Variants in NMT2 observed in about 807,000 individuals in gnomAD.
NMT2 encodes the protein glycylpeptide N-tetradecanoyltransferase 2.
A neutral mutation model predicts 65.4 loss-of-function variants in NMT2; 35 were observed. The ratio of observed to expected loss-of-function variants is 0.54; its 90% confidence interval spans 0.41 to 0.71. The LOEUF is 0.71. Ranked by LOEUF, NMT2 falls within the 30% of genes least tolerant of loss-of-function variation. NMT2 has a pLI of 0.00. For missense variants in NMT2, 489 were observed against 611.3 expected (o/e 0.80, Z 2.11); for synonymous variants, 226 against 231.8 (o/e 0.98, Z 0.23).
chr10:15,112,698 A>C, intron 10 of NMT2, 98 bp downstream of exon 10: 1 of 1,166,044 alleles, frequency 8.6e-7, no homozygotes, highest in South Asian at 2.1e-5. Context: ...TCTCGCATAA[A>C]TTCCACCTGT....
rs369628041 is a variant in NMT2, at chr10:15,132,800, C to T, written c.719+17G>A. ...AATAAACATATAAAAACCGCATGGA[C>T]GAGCTTAAACATGTACCTGTCATAA... On this transcript the variant is annotated intron_variant, in intron 6 of 11. Transcript: ENST00000378165. 2.6e-5 allele frequency: 39 copies of T among 1,526,142 alleles called. No individual in the cohort carries two copies. Among genetic ancestry groups the T allele is most frequent in the East Asian group, 4.5e-5 (2 of 44,368 alleles). 94.5% of individuals were successfully genotyped at this position (1,526,142 alleles called of 1,614,324 possible).
intron 1 of NMT2, among the ~76,000 whole-genome samples, chr10:15,158,424 A>G (rs1323664183): frequency 1.3e-5 from 2 of 152,228 alleles, no homozygotes; most frequent in Admixed American, 6.5e-5. Flanking sequence ...AAAACTCTAC[A>G]GCCAAAGTCC....
chr10:15,167,431 C>T (rs6602818), intron 1 of NMT2, among the ~76,000 whole-genome samples: 68,841 of 152,030 alleles, frequency 0.45, 17,779 homozygotes, highest in African/African-American at 0.71. Context: ...AATCTCTCTA[C>T]GAACTGAGTA....
chr10:15,164,584 A>T (rs1253132049), intron 1 of NMT2, among the ~76,000 whole-genome samples: 1 of 152,254 alleles, frequency 6.6e-6, no homozygotes, highest in Non-Finnish European at 1.5e-5. Context: ...GCGAGAAGAC[A>T]GTGGGTTCTA....
At chr10:15,127,556 A>ATAAAT (rs1269940213) in intron 8 of NMT2, among the ~76,000 whole-genome samples, 3 of 78,724 alleles carry the variant, frequency 3.8e-5, no homozygotes, top group South Asian at 5.6e-4. Flanking sequence ...CAAAAAAAAA[A>ATAAAT]AAAAAAAAAA....
intron 2 of NMT2, among the ~76,000 whole-genome samples, chr10:15,139,983 AGAGAG>A (rs1195277282): frequency 6.7e-6 from 1 of 150,132 alleles, no homozygotes; most frequent in Non-Finnish European, 1.5e-5. Flanking sequence ...ACTGCGAGTT[AGAGAG>A]AAGAGAAGGA....
intron 1 of NMT2, among the ~76,000 whole-genome samples, chr10:15,144,076 A>T: frequency 6.6e-6 from 1 of 152,200 alleles, no homozygotes; most frequent in East Asian, 1.9e-4. Context: ...GATGCTACAC[A>T]TCAAAACTTT....
chr10:15,114,352 T>G (rs527248576), intron 9 of NMT2, among the ~76,000 whole-genome samples: 39 of 152,274 alleles, frequency 2.6e-4, no homozygotes, highest in Admixed American at 7.2e-4. Context: ...TCTCTTGCTG[T>G]TAAAATGACC....
intron 9 of NMT2, among the ~76,000 whole-genome samples, chr10:15,116,546 C>T (rs530160326): frequency 6.6e-6 from 1 of 152,196 alleles, no homozygotes; most frequent in South Asian, 2.1e-4. Flanking sequence ...CCAAAGCAAG[C>T]AGACAGAAGG....
chr10:15,127,203 C>G (rs574409978), intron 8 of NMT2, among the ~76,000 whole-genome samples: 6 of 151,080 alleles, frequency 4.0e-5, no homozygotes, highest in African/African-American at 1.5e-4. Context: ...CCACTGCACT[C>G]CAGCCTGGGT....
rs1846537014 is a variant in NMT2 at position 15,137,032 on chromosome 10, GC to G, written c.247-1615del. ...CAGAAAGTGGTTAGAAGTTTCAAGA[GC>G]CCTTCGGTTTTGCTGTATGTCAACA... On this transcript the variant is annotated intron_variant, in intron 2 of 11. Transcript: ENST00000378165. Among the ~76,000 whole-genome samples, 3 of 152,256 alleles carry G rather than the reference GC, an allele frequency of 2.0e-5. No individual in the cohort carries two copies. The South Asian group carries it at 6.2e-4, about 32-fold the overall frequency.
intron 8 of NMT2, among the ~76,000 whole-genome samples, chr10:15,127,055 A>C (rs771106962): frequency 6.6e-6 from 1 of 150,762 alleles, no homozygotes; most frequent in Non-Finnish European, 1.5e-5. Context: ...ACATGGTGAA[A>C]CCCCCGCCAT....
intron 1 of NMT2, among the ~76,000 whole-genome samples, chr10:15,157,123 G>A (rs775844009): frequency 7.2e-5 from 11 of 152,160 alleles, no homozygotes; most frequent in Non-Finnish European, 8.8e-5. Flanking sequence ...CCTTCTCTGG[G>A]AAGGTACTAT....
At position 15,132,811 on chromosome 10, in the gene NMT2, A is replaced by G; in HGVS notation, c.719+6T>C. 6.3e-7 allele frequency: 1 copy of G among 1,585,530 alleles called. No individual in the cohort carries two copies. The highest frequency in any genetic ancestry group is 8.6e-7 in the Non-Finnish European group (1 of 1,158,098). The stretch of plus-strand genomic sequence containing the variant: ...AAAAACCGCATGGACGAGCTTAAAC[A>G]TGTACCTGTCATAAATCCGAATGTT... On this transcript the variant is annotated splice_donor_region_variant and intron_variant, in intron 6 of 11. Transcript: ENST00000378165.
At chr10:15,130,499 G>T (rs190969308) in intron 6 of NMT2, among the ~76,000 whole-genome samples, 187 bp from the exon 7 acceptor site, 1 of 151,770 alleles carries the variant, frequency 6.6e-6, no homozygotes, top group African/African-American at 2.4e-5. Flanking sequence ...TTGAGACCAG[G>T]AGTTCCAGAC....
At chr10:15,128,873 T>G (rs1846183657) in intron 7 of NMT2, among the ~76,000 whole-genome samples, 3 of 151,856 alleles carry the variant, frequency 2.0e-5, no homozygotes, top group South Asian at 2.1e-4. Context: ...GGCACGGTGG[T>G]GTGCACCTGT....
At chr10:15,133,188 A>G (rs1846345786) in intron 4 of NMT2, 44 bp from the exon 5 acceptor site, 1 of 1,601,454 alleles carries the variant, frequency 6.2e-7, no homozygotes, top group Non-Finnish European at 8.6e-7. Context: ...CTCAGAATCA[A>G]CTTAGAAGCA....
At position 15,109,851 on chromosome 10, in the gene NMT2, A is replaced by G; in HGVS notation, c.1339-12T>C. On this transcript the variant is annotated splice_polypyrimidine_tract_variant and intron_variant, in intron 10 of 11. Transcript: ENST00000378165. ...ACATCAAATCCTTTCTGCCAATTTA[A>G]AAAAGATTTAAAATTTAAAACAAAG... is the stretch of plus-strand genomic sequence containing the variant. 6.3e-7 allele frequency: 1 copy of G among 1,590,984 alleles called. No individual in the cohort carries two copies. Among genetic ancestry groups the G allele is most frequent in the Non-Finnish European group, 8.5e-7 (1 of 1,170,604 alleles).
Position 15,130,225 on chromosome 10 carries a change from G to T in NMT2, c.807C>A (p.Ile269=). The T allele has an allele frequency of 6.2e-7, 1 of 1,609,574 alleles. No individual in the cohort carries two copies. The highest frequency in any genetic ancestry group is 8.5e-7 in the Non-Finnish European group (1 of 1,177,640). ...TCCCTTCCAGGTTCACTCTTCTAGT[G>T]ATCTCTCGGATTAGCACTGGGGCTA... ...KRVAPVLIRE[I]TRRVNLEGIF... Residue 269 remains isoleucine (I), a synonymous_variant, in exon 7 of 12, where the codon ATC becomes ATA. Transcript: ENST00000378165.
Sources: gnomAD v4.1 joint callset for allele counts (sites outside exome capture counted in the v4.1 genomes callset) on GRCh38, gnomAD v4.1.1 for gene constraint, MANE v1.5 for transcripts, NCBI Gene and HGNC (gene_info 2026-07-23, HGNC 2026-07-21) for gene names.